EPS8L1: variants seen among roughly 807,000 people sequenced by gnomAD.
EPS8L1 encodes epidermal growth factor receptor kinase substrate 8-like protein 1.
Under a neutral mutation model 91.7 loss-of-function variants are expected in EPS8L1, and 101 were observed. That is an observed-to-expected ratio of 1.10 (90% CI 0.94 to 1.30). The LOEUF (loss-of-function observed/expected upper bound fraction) is 1.30. EPS8L1 is among the 50% of genes most tolerant of loss of function. EPS8L1 has a pLI of 0.00. For missense variants in EPS8L1, 1,114 were observed against 1,017.0 expected, an observed-to-expected ratio of 1.10 and a Z score of -1.30; for synonymous variants, 506 against 445.3, an observed-to-expected ratio of 1.14 and a Z score of -1.72.
intron 15 of EPS8L1, 44 bp downstream of exon 15, chr19:55,086,017 A>G (rs1266555664): frequency 6.2e-7 from 1 of 1,601,110 alleles, no homozygotes. Context: ...AGCCAGCCCT[A>G]GCTGCAGACA....
Position 55,080,447 on chromosome 19 carries a change from G to C in EPS8L1, c.429+169G>C, listed in dbSNP as rs771794941. 13 of 1,611,070 alleles carry C rather than the reference G, an allele frequency of 8.1e-6. No individual in the cohort carries two copies. The South Asian group carries it at 1.2e-4, about 15-fold the overall frequency. ...GAAGTTCTGGAAGGCAGTGGGGTTTGAGATTGGACCCAGGGTCAAGATAGA... is the reference window on the plus strand; with the variant it reads ...GAAGTTCTGGAAGGCAGTGGGGTTTCAGATTGGACCCAGGGTCAAGATAGA... On this transcript the variant is annotated intron_variant, in intron 6 of 19. Transcript: ENST00000201647.
intron 3 of EPS8L1, among the ~76,000 whole-genome samples, chr19:55,078,445 G>T (rs562869967): frequency 9.8e-4 from 1 of 1,018 alleles, no homozygotes; most frequent in Non-Finnish European, 1.7e-3. Flanking sequence ...GGGCTGGGGG[G>T]CTGGACTCCT....
At position 55,077,584 on chromosome 19, in the gene EPS8L1, CT is replaced by C. The variant is rs35750835; in HGVS notation, c.18-481del. 6.0e-3 allele frequency among the ~76,000 whole-genome samples: 459 copies of C among 76,862 alleles called. 2 individuals carry two copies. The highest frequency in any genetic ancestry group is 0.021 in the African/African-American group (403 of 19,050). The allele number at this position is 76,862 out of a possible 152,430, so 50.4% of individuals were successfully genotyped here. A position where few individuals can be genotyped will look rare whatever the true frequency, so the allele number is the denominator to read the frequency against. On this transcript the variant is annotated intron_variant, in intron 2 of 19. Transcript: ENST00000201647. ...AGCACCACCGCCTGACCTGACCTGT[CT>C]TTTTTTTTTTTTTTTTTTTTTTGAG...
intron 3 of EPS8L1, 89 bp downstream of exon 3, chr19:55,078,217 T>TG (rs1203262250): frequency 3.6e-6 from 4 of 1,109,242 alleles, no homozygotes; most frequent in Non-Finnish European, 3.9e-6. Context: ...GAGGAGGGGC[T>TG]GGGGGTCTGG....
At chr19:55,080,692 T>A (rs2076236970) in intron 6 of EPS8L1, 80 bp from the exon 7 acceptor site, 2 of 1,574,744 alleles carry the variant, frequency 1.3e-6, no homozygotes, top group South Asian at 1.1e-5. Flanking sequence ...GGGACTGAGC[T>A]GAAAAATCGG....
In EPS8L1 at chr19:55,083,317, A is replaced by G; in HGVS notation, c.1215-61A>G. ...GGGGAAAACTTAGTGAAGTTAATGC[A>G]GGAACGAAGTTGGGGGCTGTATCAG... is the stretch of plus-strand genomic sequence containing the variant. On this transcript the variant is annotated intron_variant, in intron 12 of 19. Transcript: ENST00000201647. This position sits in a 1 kb window ranked among gnomAD's most constrained non-coding sequence, Gnocchi z 4.7. The G allele has an allele frequency of 6.3e-7, 1 of 1,578,140 alleles. No homozygotes were observed.
At position 55,083,875 on chromosome 19, in the gene EPS8L1, C is replaced by T. The variant is rs1438296412; in HGVS notation, c.1385+231C>T. On this transcript the variant is annotated intron_variant, in intron 14 of 19. Transcript: ENST00000201647. The surrounding 1 kb of genome is among the most constrained non-coding windows in gnomAD (Gnocchi z 4.7). The stretch of plus-strand genomic sequence containing the variant: ...GCTAAGGGAGTTGGGAATGGAGACC[C>T]GGATTCCTGGGCCTAAGGGAGGAAG... The T allele has an allele frequency of 4.4e-6, 3 of 675,146 alleles. No individual in the cohort carries two copies. Among genetic ancestry groups the T allele is most frequent in the Admixed American group, 2.3e-5 (1 of 43,176 alleles). 41.8% of individuals were successfully genotyped at this position (675,146 alleles called of 1,614,324 possible).
intron 4 of EPS8L1, 178 bp from the exon 5 acceptor site, chr19:55,079,512 G>T: frequency 1.4e-6 from 1 of 726,200 alleles, no homozygotes. Flanking sequence ...TAGTCACTCT[G>T]ATGAAAGGGA....
chr19:55,076,161 G>GAAGA (rs1463167606), intron 1 of EPS8L1, among the ~76,000 whole-genome samples: 148 of 43,246 alleles, frequency 3.4e-3, no homozygotes, highest in African/African-American at 0.017. Flanking sequence ...GGGTCTGAGG[G>GAAGA]AGGAGTGGAC....
At chr19:55,082,885 C>T (rs1191602532) in intron 12 of EPS8L1, among the ~76,000 whole-genome samples, 2 of 100,930 alleles carry the variant, frequency 2.0e-5, no homozygotes, top group African/African-American at 7.7e-5. Flanking sequence ...GGGGCAGGGG[C>T]GGGGCTACGC....
intron 5 of EPS8L1, 100 bp from the exon 6 acceptor site, chr19:55,080,029 C>T (rs2076220127): frequency 2.1e-6 from 3 of 1,445,198 alleles, no homozygotes; most frequent in Non-Finnish European, 2.7e-6. Context: ...AACCCCCTAA[C>T]CGCCTGAGGT....
At chr19:55,086,635 G>GGGCCCCCCCCCC in intron 17 of EPS8L1, 79 bp from the exon 18 acceptor site, 3 of 1,307,710 alleles carry the variant, frequency 2.3e-6, no homozygotes, top group Non-Finnish European at 2.1e-6. Context: ...ACGCTGGAGC[G>GGGCCCCCCCCCC]CCCCCCCGCC....
chr19:55,081,294 C>T lies in EPS8L1; in HGVS notation c.576C>T (p.Arg192=). The T allele has an allele frequency of 6.5e-7, 1 of 1,548,962 alleles. No individual in the cohort carries two copies. Among genetic ancestry groups the T allele is most frequent in the South Asian group, 1.2e-5 (1 of 85,356 alleles). The change falls in exon 8 of 20, where the codon CGC becomes CGT. Residue 192 remains arginine (R), a synonymous_variant. Transcript: ENST00000201647. The surrounding 1 kb of genome is among the most constrained non-coding windows in gnomAD (Gnocchi z 4.9). The part of the protein sequence containing the change: ...SPAAETPPLQ[R]RPSVRAVIST... ...CCGCTGAGACCCCGCCCCTGCAGCGCCGCCCGTCAGTCCGCGCAGTGATCA... is the reference window on the plus strand; with the variant it reads ...CCGCTGAGACCCCGCCCCTGCAGCGTCGCCCGTCAGTCCGCGCAGTGATCA...
chr19:55,086,925 A>G (rs2076359050), intron 18 of EPS8L1, 37 bp downstream of exon 18: 23 of 1,406,200 alleles, frequency 1.6e-5, no homozygotes, highest in South Asian at 7.8e-5. Flanking sequence ...GCGGGTTGAT[A>G]CGGACGCTGG....
rs12609976 is a variant in EPS8L1 at position 55,076,454 on chromosome 19, G to A, written c.10G>A (p.Ala4Thr). MST[A>T]TGPEAAPKPS... is the part of the protein sequence containing the mutation. ...GCTACCACTCAGCACCATGAGCACC[G>A]CCACAGGGTAAGCGCCCCCGGACCC... Residue 4 changes from alanine (A) to threonine (T), a missense_variant, in exon 2 of 20, where the codon GCC becomes ACC. Coordinates refer to ENST00000201647, the MANE Select transcript of EPS8L1 (RefSeq NM_133180.3). The A allele has an allele frequency of 0.15, 239,488 of 1,611,606 alleles. 18,825 individuals are homozygous for A. Among genetic ancestry groups the A allele is most frequent in the Middle Eastern group, 0.17 (1,048 of 6,046 alleles).
chr19:55,076,302 T>G, intron 1 of EPS8L1, 106 bp from the exon 2 acceptor site: 1 of 1,007,676 alleles, frequency 9.9e-7, no homozygotes, highest in Non-Finnish European at 1.5e-6. Flanking sequence ...CTCCTGGGCC[T>G]GAGGGAGGAG....
At chr19:55,084,961 C>T (rs1373295491) in intron 14 of EPS8L1, among the ~76,000 whole-genome samples, 1 of 152,108 alleles carries the variant, frequency 6.6e-6, no homozygotes, top group East Asian at 1.9e-4. Flanking sequence ...CTGGCGATGC[C>T]ACTCTCTTAC....
At chr19:55,082,713 T>C in intron 12 of EPS8L1, 111 bp downstream of exon 12, 3 of 990,758 alleles carry the variant, frequency 3.0e-6, no homozygotes, top group Non-Finnish European at 4.4e-6. Flanking sequence ...AGGGAGGGGT[T>C]AGAGGCGTGG....
chr19:55,086,113 A>C lies in EPS8L1; in HGVS notation c.1571A>C (p.Glu524Ala). 1 of 1,605,986 alleles carries C rather than the reference A, an allele frequency of 6.2e-7. No homozygotes were observed. Among genetic ancestry groups the C allele is most frequent in the Non-Finnish European group, 8.5e-7 (1 of 1,175,166 alleles). Residue 524 changes from glutamate (E) to alanine (A), a missense_variant, in exon 16 of 20, where the codon GAG becomes GCG. Coordinates refer to ENST00000201647, the MANE Select transcript of EPS8L1 (RefSeq NM_133180.3). ...WWKVRDPAGQ[E>A]GYVPYNILTP... Reference sequence around the variant, plus strand: ...AAGGTTCGGGACCCAGCGGGGCAGGAGGGATATGTGCCCTACAACATCCTG... The same window carrying C: ...AAGGTTCGGGACCCAGCGGGGCAGGCGGGATATGTGCCCTACAACATCCTG...
Sources: allele counts gnomAD v4.1 joint callset (sites outside exome capture counted in the v4.1 genomes callset), GRCh38; gene constraint gnomAD v4.1.1; non-coding constraint Gnocchi (gnomAD v3.1); transcripts MANE v1.5; gene names NCBI Gene and HGNC (gene_info 2026-07-23, HGNC 2026-07-21).